PDE4D: variants seen among roughly 807,000 people sequenced by gnomAD.
The protein encoded by PDE4D is phosphodiesterase 4D, also known as 3',5'-cyclic-AMP phosphodiesterase 4D.
A neutral mutation model predicts 87.4 loss-of-function variants in PDE4D; 24 were observed. The ratio of observed to expected loss-of-function variants is 0.27; its 90% confidence interval spans 0.20 to 0.39. The LOEUF is 0.39. Ranked by LOEUF, PDE4D falls within the 10% of genes least tolerant of loss-of-function variation. PDE4D has a pLI of 1.00. For missense variants in PDE4D, 714 were observed against 1,041.0 expected, an observed-to-expected ratio of 0.69 and a Z score of 4.32; for synonymous variants, 384 against 383.2, an observed-to-expected ratio of 1.00 and a Z score of -0.02.
chr5:58,987,750 C>T (rs576506764), intron 11 of PDE4D, among the ~76,000 whole-genome samples: 1 of 152,196 alleles, frequency 6.6e-6, no homozygotes, highest in South Asian at 2.1e-4. Flanking sequence ...TTATAATCTA[C>T]CATATGGGAG....
chr5:59,821,227 T>C (rs985733019), intron 1 of PDE4D, among the ~76,000 whole-genome samples: 1 of 145,394 alleles, frequency 6.9e-6, no homozygotes, highest in African/African-American at 2.6e-5. Context: ...AGCAAGATTC[T>C]GTCTCAACAG....
intron 1 of PDE4D, among the ~76,000 whole-genome samples, chr5:59,224,281 TACACACACACATAC>T (rs1158061100): frequency 1.5e-5 from 2 of 133,962 alleles, no homozygotes; most frequent in Non-Finnish European, 3.2e-5. Context: ...GATCCTGTCA[TACACACACACATAC>T]ACACACACAC....
At chr5:60,321,126 C>T (rs191511204) in intron 1 of PDE4D, among the ~76,000 whole-genome samples, 1 of 152,274 alleles carries the variant, frequency 6.6e-6, no homozygotes, top group East Asian at 1.9e-4. Context: ...AAGCTAGAGG[C>T]ATCGTATTAT....
intron 1 of PDE4D, among the ~76,000 whole-genome samples, chr5:59,464,685 T>C (rs140524762): frequency 3.3e-3 from 500 of 152,288 alleles, no homozygotes; most frequent in African/African-American, 0.011. Context: ...TGTGTCTTTT[T>C]CTTTTCCAAG....
At chr5:60,043,233 G>T (rs1161723168) in intron 2 of PDE4D, among the ~76,000 whole-genome samples, 3 of 151,602 alleles carry the variant, frequency 2.0e-5, no homozygotes, top group African/African-American at 7.3e-5. Flanking sequence ...AAAGGGTGAA[G>T]ACAAGATTAG....
chr5:59,388,111 A>G (rs1787466281), intron 1 of PDE4D, among the ~76,000 whole-genome samples: 1 of 152,158 alleles, frequency 6.6e-6, no homozygotes, highest in Non-Finnish European at 1.5e-5. Context: ...TGTGATCCCA[A>G]ATGACAGGAT....
intron 1 of PDE4D, among the ~76,000 whole-genome samples, chr5:60,246,524 T>C (rs1747800651): frequency 6.6e-6 from 1 of 151,836 alleles, no homozygotes; most frequent in Non-Finnish European, 1.5e-5. Flanking sequence ...TCAAATTATA[T>C]TACAGTCTAC....
At chr5:59,893,921 T>C, upstream of PDE4D, 1 of 742,702 alleles carries the variant, frequency 1.3e-6, no homozygotes, top group Non-Finnish European at 1.8e-6. Context: ...TCGCCAGAGG[T>C]TGGTCCTTCT....
At chr5:59,308,020 G>T (rs563802609) in intron 1 of PDE4D, among the ~76,000 whole-genome samples, 1 of 152,212 alleles carries the variant, frequency 6.6e-6, no homozygotes, top group Non-Finnish European at 1.5e-5. Flanking sequence ...ACCATGGAAA[G>T]CTATGCAGCC....
At chr5:59,974,223 T>C (rs948008968) in intron 3 of PDE4D, among the ~76,000 whole-genome samples, 3 of 152,170 alleles carry the variant, frequency 2.0e-5, no homozygotes, top group Admixed American at 1.3e-4. Flanking sequence ...AGAAATAGTA[T>C]TTAAGAATAT....
intron 1 of PDE4D, among the ~76,000 whole-genome samples, chr5:59,443,657 C>A (rs1318500728): frequency 6.6e-6 from 1 of 152,130 alleles, no homozygotes; most frequent in African/African-American, 2.4e-5. Context: ...CAATGTTAAT[C>A]CCCACAAGAA....
chr5:59,668,736 A>G (rs931960021), intron 1 of PDE4D, among the ~76,000 whole-genome samples: 1 of 94,488 alleles, frequency 1.1e-5, no homozygotes, highest in African/African-American at 3.6e-5. Flanking sequence ...GAAGAAGAAG[A>G]AAGAAGAAGA....
At chr5:59,113,053 G>T (rs1162867595) in intron 5 of PDE4D, among the ~76,000 whole-genome samples, 3 of 151,642 alleles carry the variant, frequency 2.0e-5, no homozygotes, top group Admixed American at 2.0e-4. Flanking sequence ...CAACCGCCTT[G>T]GCCTCCCAAA....
At chr5:60,117,401 T>C (rs907612857) in intron 2 of PDE4D, among the ~76,000 whole-genome samples, 8 of 152,034 alleles carry the variant, frequency 5.3e-5, no homozygotes, top group Admixed American at 2.6e-4. Flanking sequence ...AACTCAACCC[T>C]ACACTTAAAG....
At chr5:59,162,486 A>C (rs1286511898) in intron 5 of PDE4D, among the ~76,000 whole-genome samples, 2 of 152,084 alleles carry the variant, frequency 1.3e-5, no homozygotes, top group African/African-American at 4.8e-5. Flanking sequence ...ATAAAAACAG[A>C]CTTCACCTGT....
At chr5:59,621,781 C>A (rs1425050842) in intron 1 of PDE4D, among the ~76,000 whole-genome samples, 1 of 152,104 alleles carries the variant, frequency 6.6e-6, no homozygotes, top group African/African-American at 2.4e-5. Flanking sequence ...TGACTTTTTC[C>A]TTACCTGATA....
intron 2 of PDE4D, among the ~76,000 whole-genome samples, chr5:60,155,545 T>C (rs1161203576): frequency 6.6e-6 from 1 of 152,216 alleles, no homozygotes; most frequent in Non-Finnish European, 1.5e-5. Context: ...CTCCATTACA[T>C]GAATGTATTA....
intron 1 of PDE4D, among the ~76,000 whole-genome samples, chr5:59,518,788 T>G: frequency 6.6e-6 from 1 of 152,316 alleles, no homozygotes; most frequent in Middle Eastern, 3.4e-3. Context: ...TTTTAAAAAT[T>G]CTGTAATAGA....
At chr5:59,622,952 A>G (rs1034813692) in intron 1 of PDE4D, among the ~76,000 whole-genome samples, 3 of 152,130 alleles carry the variant, frequency 2.0e-5, no homozygotes, top group Admixed American at 2.0e-4. Context: ...CCACCCAGTA[A>G]GAAAACCCTT....
Sources: gnomAD v4.1 joint callset for allele counts (sites outside exome capture counted in the v4.1 genomes callset) on GRCh38, gnomAD v4.1.1 for gene constraint, MANE v1.5 for transcripts, NCBI Gene and HGNC (gene_info 2026-07-23, HGNC 2026-07-21) for gene names.